The following CMTM6 variants were observed in gnomAD, a reference collection of about 807,000 sequenced individuals.
The protein encoded by CMTM6 is CKLF-like MARVEL transmembrane domain-containing protein 6.
In CMTM6, 5 loss-of-function variants were observed where a neutral mutation model predicts 13.6. The ratio of observed to expected loss-of-function variants is 0.37; its 90% CI spans 0.19 to 0.77. The LOEUF is 0.77. Among genes scored for constraint, CMTM6 ranks in the 30% least tolerant of loss-of-function variants. The pLI, the probability that CMTM6 is intolerant of heterozygous loss-of-function variation, is 0.50. For missense variants in CMTM6, 196 were observed against 218.6 expected, an observed-to-expected ratio of 0.90 and a Z score of 0.65; for synonymous variants, 99 against 84.5, an observed-to-expected ratio of 1.17 and a Z score of -0.94.
At chr3:32,486,067 A>G (rs1196624176) in intron 3 of CMTM6, among the ~76,000 whole-genome samples, 3 of 152,130 alleles carry the variant, frequency 2.0e-5, no homozygotes, top group Non-Finnish European at 4.4e-5. Flanking sequence ...TAGTAGAGAC[A>G]AGCTTTCACT....
chr3:32,484,215 C>A, intron 3 of CMTM6, 118 bp from the exon 4 acceptor site: 14 of 928,726 alleles, frequency 1.5e-5, no homozygotes, highest in Middle Eastern at 3.7e-4. Flanking sequence ...ATCTTATACA[C>A]GACTACTCTT....
At chr3:32,497,266 T>G (rs1353663812) in intron 1 of CMTM6, among the ~76,000 whole-genome samples, 1 of 150,068 alleles carries the variant, frequency 6.7e-6, no homozygotes, top group Non-Finnish European at 1.5e-5. Context: ...GCGCCTGTAG[T>G]CCCAGCTACT....
intron 3 of CMTM6, 67 bp from the exon 4 acceptor site, chr3:32,484,164 C>T (rs1697181984): frequency 1.5e-6 from 2 of 1,294,972 alleles, no homozygotes; most frequent in Admixed American, 5.4e-5. Flanking sequence ...TCCTACTTGG[C>T]TTGGAGAATG....
intron 1 of CMTM6, among the ~76,000 whole-genome samples, chr3:32,494,955 GTAAAATTACA>G (rs1447749384): frequency 6.6e-6 from 1 of 151,868 alleles, no homozygotes; most frequent in Non-Finnish European, 1.5e-5. Context: ...TATCCACATG[GTAAAATTACA>G]TAGAATTACA....
chr3:32,487,866 G>A (rs1450141066), intron 3 of CMTM6, 72 bp downstream of exon 3: 7 of 1,076,006 alleles, frequency 6.5e-6, no homozygotes, highest in Non-Finnish European at 9.7e-6. Context: ...TGTATAACTT[G>A]TCAAGTACTC....
intron 1 of CMTM6, among the ~76,000 whole-genome samples, chr3:32,497,025 G>A (rs1425392404): frequency 1.3e-5 from 2 of 152,040 alleles, no homozygotes; most frequent in African/African-American, 2.4e-5. Flanking sequence ...CTACAGTTCC[G>A]AGTGTAGGAG....
intron 2 of CMTM6, among the ~76,000 whole-genome samples, chr3:32,488,641 T>C (rs6801900): frequency 0.045 from 6,893 of 152,330 alleles, 234 homozygotes; most frequent in Non-Finnish European, 0.071. Context: ...ATGCCAATAG[T>C]GTGTTTTTTA....
intron 1 of CMTM6, among the ~76,000 whole-genome samples, chr3:32,501,255 G>A (rs1397953718): frequency 6.6e-6 from 1 of 150,758 alleles, no homozygotes; most frequent in Non-Finnish European, 1.5e-5. Context: ...TACTATTCAC[G>A]TAGAAAATTT....
intron 3 of CMTM6, 83 bp from the exon 4 acceptor site, chr3:32,484,180 T>C: frequency 1.6e-6 from 2 of 1,215,826 alleles, no homozygotes; most frequent in East Asian, 2.7e-5. Context: ...GAATGTTTCA[T>C]ATAAACAAGA....
chr3:32,488,597 G>T (rs1208342475), intron 2 of CMTM6, among the ~76,000 whole-genome samples: 1 of 152,116 alleles, frequency 6.6e-6, no homozygotes, highest in African/African-American at 2.4e-5. Context: ...CTAAAAGAAA[G>T]AATTTTAAAA....
chr3:32,485,263 T>C (rs530832799), intron 3 of CMTM6, among the ~76,000 whole-genome samples: 1 of 152,078 alleles, frequency 6.6e-6, no homozygotes, highest in African/African-American at 2.4e-5. Flanking sequence ...TGCATTTAAG[T>C]CTATAAAACT....
chr3:32,492,330 A>G (rs1296988142), intron 1 of CMTM6, among the ~76,000 whole-genome samples: 1 of 152,188 alleles, frequency 6.6e-6, no homozygotes, highest in East Asian at 1.9e-4. Flanking sequence ...CATACAGACA[A>G]CACACACCCC....
At chr3:32,487,855 C>A (rs1399721259) in intron 3 of CMTM6, 83 bp downstream of exon 3, 2 of 877,070 alleles carry the variant, frequency 2.3e-6, no homozygotes, top group Non-Finnish European at 3.6e-6. Flanking sequence ...CTCTAACATG[C>A]TGTATAACTT....
At position 32,483,000 on chromosome 3, in the gene CMTM6, G is replaced by GA. The variant is rs1417532454; in HGVS notation, c.*959dup. The GA allele has an allele frequency of 1.3e-5, 2 of 152,562 alleles. No individual in the cohort carries two copies. Among genetic ancestry groups the GA allele is most frequent in the East Asian group, 3.8e-4 (2 of 5,206 alleles). 9.5% of individuals were successfully genotyped at this position (152,562 alleles called of 1,614,324 possible). On this transcript the variant is annotated 3_prime_UTR_variant, in exon 4 of 4. Coordinates refer to ENST00000205636, the MANE Select transcript of CMTM6 (RefSeq NM_017801.3). ...CTAAAAAAAACAGATTGGCTTCAAA[G>GA]AAAACACTAAGGAAGACCCACAGAG...
intron 3 of CMTM6, among the ~76,000 whole-genome samples, chr3:32,486,176 G>A (rs974007269): frequency 5.9e-5 from 9 of 152,088 alleles, no homozygotes; most frequent in African/African-American, 1.9e-4. Context: ...CACCCACCAC[G>A]CCCGGCCTAA....
At position 32,483,199 on chromosome 3, in the gene CMTM6, G is replaced by T. The variant is rs1697171316; in HGVS notation, c.*761C>A. The T allele has an allele frequency of 1.3e-5, 2 of 152,528 alleles. No individual in the cohort carries two copies. The highest frequency in any genetic ancestry group is 6.5e-5 in the Admixed American group (1 of 15,272). The allele number at this position is 152,528 out of a possible 1,614,324, so 9.4% of individuals were successfully genotyped here. On this transcript the variant is annotated 3_prime_UTR_variant, in exon 4 of 4. Transcript: ENST00000205636. ...TTCTTATCTTTGGTCCTTAGGTGTGGTATCAGTTTCTTCCATTTTTTTATG... is the reference window on the plus strand; with the variant it reads ...TTCTTATCTTTGGTCCTTAGGTGTGTTATCAGTTTCTTCCATTTTTTTATG...
chr3:32,495,541 G>A (rs1179998594), intron 1 of CMTM6, among the ~76,000 whole-genome samples: 1 of 152,072 alleles, frequency 6.6e-6, no homozygotes, highest in African/African-American at 2.4e-5. Flanking sequence ...AATATACCTC[G>A]GTTGTATAAA....
In CMTM6 at chr3:32,482,991, G is replaced by A. The variant is rs1697169322; in HGVS notation, c.*969C>T. ...GCTGGTGTCCTAAAAAAAACAGATT[G>A]GCTTCAAAGAAAACACTAAGGAAGA... On this transcript the variant is annotated 3_prime_UTR_variant, in exon 4 of 4. Coordinates refer to ENST00000205636, the MANE Select transcript of CMTM6 (RefSeq NM_017801.3). 6.6e-6 allele frequency: 1 copy of A among 152,498 alleles called. No homozygotes were observed. Among genetic ancestry groups the A allele is most frequent in the African/African-American group, 2.4e-5 (1 of 41,396 alleles). The allele number at this position is 152,498 out of a possible 1,614,324, so 9.4% of individuals were successfully genotyped here.
rs1697359210 is a variant in CMTM6 at position 32,502,778 on chromosome 3, A to C, written c.-33T>G. On this transcript the variant is annotated 5_prime_UTR_variant, in exon 1 of 4. Transcript: ENST00000205636. ...GGCCGGGGAGCGCGGCGGCCGCAGC[A>C]ACCGCGCCGTTGACTTCTCGGACTC... 20 of 1,402,106 alleles carry C rather than the reference A, an allele frequency of 1.4e-5. No individual in the cohort carries two copies. The highest frequency in any genetic ancestry group is 1.9e-5 in the Non-Finnish European group (20 of 1,078,070). The allele number at this position is 1,402,106 out of a possible 1,614,324, so 86.9% of individuals were successfully genotyped here.
Sources: allele counts gnomAD v4.1 joint callset (sites outside exome capture counted in the v4.1 genomes callset), GRCh38; gene constraint gnomAD v4.1.1; transcripts MANE v1.5; gene names NCBI Gene and HGNC (gene_info 2026-07-23, HGNC 2026-07-21).